The following TNIK variants were observed in gnomAD, a reference collection of about 807,000 sequenced individuals.
The protein encoded by TNIK is TRAF2 and NCK-interacting protein kinase.
Under a neutral mutation model 191.3 loss-of-function variants are expected in TNIK, and 49 were observed. That is an observed-to-expected ratio of 0.26 (90% CI 0.20 to 0.32). The LOEUF is 0.32. TNIK is among the 10% of genes least tolerant of loss of function. The pLI, the probability that TNIK is intolerant of heterozygous loss-of-function variation, is 1.00. For synonymous variants in TNIK, 594 were observed against 600.9 expected (o/e 0.99, Z 0.17); for missense variants, 1,155 against 1,702.3 (o/e 0.68, Z 5.66).
chr3:171,317,545 A>G (rs1754770386), intron 2 of TNIK, among the ~76,000 whole-genome samples: 2 of 152,172 alleles, frequency 1.3e-5, no homozygotes, highest in Admixed American at 6.6e-5. Flanking sequence ...ATTATATAGA[A>G]CTGTTAACCA....
At chr3:171,258,772 T>C (rs1747209687) in intron 2 of TNIK, among the ~76,000 whole-genome samples, 1 of 152,186 alleles carries the variant, frequency 6.6e-6, no homozygotes, top group African/African-American at 2.4e-5. Context: ...CTTGACCCTC[T>C]AAGAAACTCT....
intron 22 of TNIK, among the ~76,000 whole-genome samples, 166 bp from the exon 23 acceptor site, chr3:171,094,134 T>C (rs528322196): frequency 6.6e-6 from 1 of 152,130 alleles, no homozygotes; most frequent in South Asian, 2.1e-4. Context: ...GTACATCTCA[T>C]ATTAATTTTT....
At chr3:171,128,508 C>G (rs1295020252) in intron 16 of TNIK, among the ~76,000 whole-genome samples, 3 of 152,166 alleles carry the variant, frequency 2.0e-5, no homozygotes, top group Non-Finnish European at 4.4e-5. Flanking sequence ...GTGGTTGACT[C>G]AAGTTTAAGG....
At chr3:171,408,444 A>G (rs1721983426) in intron 1 of TNIK, among the ~76,000 whole-genome samples, 2 of 152,218 alleles carry the variant, frequency 1.3e-5, no homozygotes, top group African/African-American at 4.8e-5. Flanking sequence ...GGCTGGAGGA[A>G]AGGGCTATCC....
chr3:171,372,379 C>T (rs1260174918), intron 1 of TNIK, among the ~76,000 whole-genome samples: 1 of 152,190 alleles, frequency 6.6e-6, no homozygotes, highest in Non-Finnish European at 1.5e-5. Flanking sequence ...CAGATGGGTT[C>T]CCCAGGAATA....
At chr3:171,444,663 T>C (rs892071665) in intron 1 of TNIK, among the ~76,000 whole-genome samples, 2 of 152,002 alleles carry the variant, frequency 1.3e-5, no homozygotes. Flanking sequence ...GACTTTTCAA[T>C]TTCAAGTATC....
chr3:171,087,235 A>C, intron 24 of TNIK, 107 bp downstream of exon 24: 1 of 1,500,822 alleles, frequency 6.7e-7, no homozygotes, highest in Non-Finnish European at 9.0e-7. Flanking sequence ...AAACCAACCA[A>C]ACAAGTTTCA....
At chr3:171,153,938 G>A (rs1255630354) in intron 12 of TNIK, among the ~76,000 whole-genome samples, 9 of 151,938 alleles carry the variant, frequency 5.9e-5, no homozygotes, top group Admixed American at 5.9e-4. Context: ...CTTAGTGCCT[G>A]TTTCCCTCAC....
At chr3:171,305,798 C>A (rs1753386594) in intron 2 of TNIK, among the ~76,000 whole-genome samples, 1 of 152,148 alleles carries the variant, frequency 6.6e-6, no homozygotes, top group Admixed American at 6.6e-5. Flanking sequence ...TTGTGGAAAG[C>A]AATGTGGAGA....
chr3:171,452,465 A>C (rs1381494468), intron 1 of TNIK, among the ~76,000 whole-genome samples: 1 of 152,048 alleles, frequency 6.6e-6, no homozygotes, highest in Non-Finnish European at 1.5e-5. Context: ...CTTACATGTG[A>C]CAAAACTGAA....
intron 2 of TNIK, among the ~76,000 whole-genome samples, chr3:171,339,561 GCA>G (rs140687301): frequency 0.02 from 3,034 of 152,326 alleles, 97 homozygotes; most frequent in African/African-American, 0.069. Flanking sequence ...CAAGCTCCCA[GCA>G]CAGTGCTGGT....
chr3:171,212,005 T>A (rs1198889238), intron 3 of TNIK, among the ~76,000 whole-genome samples: 1 of 152,212 alleles, frequency 6.6e-6, no homozygotes, highest in African/African-American at 2.4e-5. Context: ...ATTTTCTTGA[T>A]GTGTATACAC....
At chr3:171,086,573 C>G (rs1054662328) in intron 24 of TNIK, among the ~76,000 whole-genome samples, 2 of 152,212 alleles carry the variant, frequency 1.3e-5, no homozygotes, top group Non-Finnish European at 2.9e-5. Context: ...CAAAGCTCAT[C>G]TACTCTATAA....
chr3:171,406,362 G>A (rs1259540178), intron 1 of TNIK, among the ~76,000 whole-genome samples: 3 of 152,142 alleles, frequency 2.0e-5, no homozygotes, highest in Non-Finnish European at 4.4e-5. Context: ...GAAGAACCCA[G>A]AGCTCGGAGG....
chr3:171,222,225 T>G (rs1260872284), intron 3 of TNIK, among the ~76,000 whole-genome samples: 1 of 152,150 alleles, frequency 6.6e-6, no homozygotes, highest in Non-Finnish European at 1.5e-5. Context: ...ATAAGATGTC[T>G]GTGGAGAGTG....
intron 1 of TNIK, among the ~76,000 whole-genome samples, chr3:171,375,495 G>C (rs1010961643): frequency 2.6e-5 from 4 of 152,124 alleles, no homozygotes; most frequent in African/African-American, 9.7e-5. Flanking sequence ...ATTAAGTTTT[G>C]GGGGTTCCTT....
intron 2 of TNIK, among the ~76,000 whole-genome samples, chr3:171,296,567 T>C (rs1035338836): frequency 6.6e-6 from 1 of 152,208 alleles, no homozygotes; most frequent in African/African-American, 2.4e-5. Flanking sequence ...TCAATCCTGA[T>C]TCACCACCTT....
rs146015123 is a variant in TNIK at position 171,438,567 on chromosome 3, G to A, written c.57+21440C>T. 3.9e-3 allele frequency among the ~76,000 whole-genome samples: 592 copies of A among 152,342 alleles called. 4 individuals carry two copies. The highest frequency in any genetic ancestry group is 0.014 in the African/African-American group (566 of 41,582). ...TGTCTTAAGTTCCTGCCCTTAAGAA[G>A]CTTATAATTTAAATACACCAATGGC... On this transcript the variant is annotated intron_variant, in intron 1 of 32. Coordinates refer to ENST00000436636, the MANE Select transcript of TNIK (RefSeq NM_015028.4).
chr3:171,427,152 T>C (rs1011567460), intron 1 of TNIK, among the ~76,000 whole-genome samples: 2 of 152,192 alleles, frequency 1.3e-5, no homozygotes, highest in African/African-American at 4.8e-5. Flanking sequence ...TGTTAATCTA[T>C]ATCTTCATCA....
Sources: allele counts gnomAD v4.1 joint callset (sites outside exome capture counted in the v4.1 genomes callset), GRCh38; gene constraint gnomAD v4.1.1; transcripts MANE v1.5; gene names NCBI Gene and HGNC (gene_info 2026-07-23, HGNC 2026-07-21).